Variants in NWD2 observed in about 807,000 individuals in gnomAD.
NWD2 encodes NACHT and WD repeat domain-containing protein 2.
In NWD2, 37 loss-of-function variants were observed where a neutral mutation model predicts 132.7. The ratio of observed to expected loss-of-function variants is 0.28; its 90% CI spans 0.21 to 0.37. The LOEUF (loss-of-function observed/expected upper bound fraction) is 0.37. Among genes scored for constraint, NWD2 ranks in the 10% least tolerant of loss-of-function variants. NWD2 has a pLI of 1.00. For synonymous variants in NWD2, 705 were observed against 803.0 expected, an observed-to-expected ratio of 0.88 and a Z score of 2.06; for missense variants, 1,592 against 2,122.4, an observed-to-expected ratio of 0.75 and a Z score of 4.91.
Position 37,448,573 on chromosome 4 carries a change from A to G in NWD2, c.*1356A>G, listed in dbSNP as rs1712704191. On this transcript the variant is annotated 3_prime_UTR_variant, in exon 7 of 7. Coordinates refer to ENST00000309447, the MANE Select transcript of NWD2 (RefSeq NM_001144990.2). The stretch of plus-strand genomic sequence containing the variant: ...TATCCTCCTTACGGCATGTCCTTGG[A>G]TAACTTTTCAAAAGGTATCCACACT... 1 of 152,230 alleles carries G rather than the reference A, an allele frequency of 6.6e-6. No individual in the cohort carries two copies. The highest frequency in any genetic ancestry group is 2.4e-5 in the African/African-American group (1 of 41,468). 9.4% of individuals were successfully genotyped at this position (152,230 alleles called of 1,614,324 possible).
chr4:37,438,281 A>C (rs1369782948), intron 5 of NWD2, among the ~76,000 whole-genome samples: 1 of 152,094 alleles, frequency 6.6e-6, no homozygotes, highest in Non-Finnish European at 1.5e-5. Context: ...AAAAAAGAAA[A>C]AAAAATTTGC....
chr4:37,319,919 A>G (rs1169910047), intron 1 of NWD2, among the ~76,000 whole-genome samples: 1 of 151,918 alleles, frequency 6.6e-6, no homozygotes, highest in African/African-American at 2.4e-5. Context: ...ATCCCTCCAA[A>G]TTTGTTGTTT....
intron 1 of NWD2, among the ~76,000 whole-genome samples, chr4:37,268,813 C>A (rs1277584654): frequency 6.6e-6 from 1 of 151,860 alleles, no homozygotes; most frequent in East Asian, 1.9e-4. Flanking sequence ...GGTGGACAAG[C>A]TACAAGGCAG....
rs73807490 is a variant in NWD2, at chr4:37,321,240, G to A, written c.152-4696G>A. ...GCTGTATGAAGCTCCAATCTAGCACGGTCCTTTCAGCACTCTTTTATCTTC... is the reference window on the plus strand; with the variant it reads ...GCTGTATGAAGCTCCAATCTAGCACAGTCCTTTCAGCACTCTTTTATCTTC... On this transcript the variant is annotated intron_variant, in intron 1 of 6. Coordinates refer to ENST00000309447, the MANE Select transcript of NWD2 (RefSeq NM_001144990.2). 5.0e-3 allele frequency among the ~76,000 whole-genome samples: 755 copies of A among 152,200 alleles called. 5 individuals carry two copies. Among genetic ancestry groups the A allele is most frequent in the African/African-American group, 0.017 (726 of 41,512 alleles).
intron 1 of NWD2, among the ~76,000 whole-genome samples, chr4:37,254,922 G>A (rs931067273): frequency 7.9e-5 from 12 of 152,110 alleles, no homozygotes; most frequent in South Asian, 4.1e-4. Flanking sequence ...AATTTCACTC[G>A]GATGAAACCA....
intron 3 of NWD2, among the ~76,000 whole-genome samples, chr4:37,401,839 T>C (rs1720901756): frequency 6.6e-6 from 1 of 152,198 alleles, no homozygotes; most frequent in African/African-American, 2.4e-5. Flanking sequence ...TCTTTTCTCC[T>C]CTTGTTGAAA....
chr4:37,405,421 T>TAATAGAATAGGATAG (rs1720979322), intron 3 of NWD2, among the ~76,000 whole-genome samples: 1 of 141,308 alleles, frequency 7.1e-6, no homozygotes, highest in East Asian at 2.1e-4. Context: ...TAGTTGAATG[T>TAATAGAATAGGATAG]AATAGAATAG....
intron 5 of NWD2, among the ~76,000 whole-genome samples, chr4:37,438,077 C>T (rs865834533): frequency 3.3e-5 from 5 of 151,624 alleles, no homozygotes; most frequent in African/African-American, 9.7e-5. Context: ...CTGGCTAACA[C>T]GGTGAAACCC....
At chr4:37,322,899 C>T (rs1719097284) in intron 1 of NWD2, among the ~76,000 whole-genome samples, 1 of 152,140 alleles carries the variant, frequency 6.6e-6, no homozygotes, top group African/African-American at 2.4e-5. Flanking sequence ...AGCTTTAGGA[C>T]TTTAACATCA....
Position 37,446,551 on chromosome 4 carries a change from C to T in NWD2, c.4563C>T (p.Asn1521=). 3 of 1,551,754 alleles carry T rather than the reference C, an allele frequency of 1.9e-6. No individual in the cohort carries two copies. The highest frequency in any genetic ancestry group is 2.6e-6 in the Non-Finnish European group (3 of 1,147,016). ...EVICRRVQLP[N]NFLKNLEDFE... The stretch of plus-strand genomic sequence containing the variant: ...TCTGTCGGCGCGTGCAACTTCCAAA[C>T]AACTTCTTGAAAAATCTGGAGGACT... The change falls in exon 7 of 7, where the codon AAC becomes AAT. Residue 1521 remains asparagine, a synonymous_variant. Transcript: ENST00000309447. This position sits in a 1 kb window ranked among gnomAD's most constrained non-coding sequence, Gnocchi z 6.7.
chr4:37,408,412 G>A (rs909765668), intron 3 of NWD2, among the ~76,000 whole-genome samples: 9 of 152,202 alleles, frequency 5.9e-5, no homozygotes, highest in East Asian at 1.9e-4. Context: ...AAACAAAGCC[G>A]CTGGAAAGTT....
chr4:37,382,748 T>C (rs1357974828), intron 3 of NWD2, among the ~76,000 whole-genome samples: 1 of 152,038 alleles, frequency 6.6e-6, no homozygotes, highest in East Asian at 1.9e-4. Context: ...TGGAGTGCAA[T>C]GGCGTGATCA....
chr4:37,408,090 C>G (rs1721081035), intron 3 of NWD2, among the ~76,000 whole-genome samples: 1 of 152,236 alleles, frequency 6.6e-6, no homozygotes, highest in African/African-American at 2.4e-5. Flanking sequence ...AAGCACAAAA[C>G]TGGGCAGCCA....
intron 3 of NWD2, among the ~76,000 whole-genome samples, chr4:37,408,069 C>A (rs1721080547): frequency 6.6e-6 from 1 of 152,212 alleles, no homozygotes; most frequent in Non-Finnish European, 1.5e-5. Flanking sequence ...TCCATCAGGG[C>A]CCTGGGTTTC....
intron 3 of NWD2, among the ~76,000 whole-genome samples, chr4:37,361,993 C>T (rs1025162170): frequency 1.3e-5 from 2 of 152,054 alleles, no homozygotes; most frequent in Non-Finnish European, 2.9e-5. Context: ...AATCTATGTA[C>T]AAAAATAAGT....
chr4:37,278,704 C>T (rs1437002006), intron 1 of NWD2, among the ~76,000 whole-genome samples: 2 of 152,134 alleles, frequency 1.3e-5, no homozygotes, highest in Admixed American at 1.3e-4. Context: ...TTTCTTGGGC[C>T]ATTTATCAGT....
chr4:37,353,214 G>C (rs935479825), intron 2 of NWD2, among the ~76,000 whole-genome samples: 1 of 152,196 alleles, frequency 6.6e-6, no homozygotes, highest in African/African-American at 2.4e-5. Flanking sequence ...TTTCTACAGA[G>C]AGATTTACTG....
At chr4:37,381,218 G>A (rs1303433996) in intron 3 of NWD2, among the ~76,000 whole-genome samples, 1 of 152,126 alleles carries the variant, frequency 6.6e-6, no homozygotes, top group East Asian at 1.9e-4. Flanking sequence ...AGCCCAGAGT[G>A]AGGTAGAGAG....
chr4:37,388,972 T>C (rs1040854371), intron 3 of NWD2, among the ~76,000 whole-genome samples: 1 of 151,400 alleles, frequency 6.6e-6, no homozygotes, highest in Non-Finnish European at 1.5e-5. Flanking sequence ...GGAGAGTTGA[T>C]AAATAAAAAG....
Sources: gnomAD v4.1 joint callset for allele counts (sites outside exome capture counted in the v4.1 genomes callset) on GRCh38, gnomAD v4.1.1 for gene constraint, Gnocchi (gnomAD v3.1) non-coding constraint, MANE v1.5 for transcripts, NCBI Gene and HGNC (gene_info 2026-07-23, HGNC 2026-07-21) for gene names.